UNC13C: variants seen among roughly 807,000 people sequenced by gnomAD.
UNC13C encodes the protein protein unc-13 homolog C.
A neutral mutation model predicts 245.4 loss-of-function variants in UNC13C; 174 were observed. The observed-to-expected ratio is 0.71, with a 90% CI of 0.63 to 0.80. The LOEUF (loss-of-function observed/expected upper bound fraction) is 0.80, where lower values mean the gene tolerates loss of function less well. UNC13C is among the 30% of genes least tolerant of loss of function. UNC13C has a pLI of 0.00. For synonymous variants in UNC13C, 992 were observed against 895.1 expected (o/e 1.11, Z -1.93); for missense variants, 2,829 against 2,602.9 (o/e 1.09, Z -1.89).
intron 4 of UNC13C, among the ~76,000 whole-genome samples, chr15:54,186,200 A>G (rs1238875559): frequency 6.6e-6 from 1 of 152,100 alleles, no homozygotes; most frequent in East Asian, 1.9e-4. Flanking sequence ...TAGATATACA[A>G]TCATGTCATC....
chr15:54,213,911 C>T (rs939400513), intron 4 of UNC13C, among the ~76,000 whole-genome samples: 1 of 151,990 alleles, frequency 6.6e-6, no homozygotes, highest in Admixed American at 6.6e-5. Context: ...CAGCCAAAGG[C>T]ATTGAGATCA....
At chr15:54,137,272 T>C (rs564977493) in intron 2 of UNC13C, among the ~76,000 whole-genome samples, 73 of 152,244 alleles carry the variant, frequency 4.8e-4, no homozygotes, top group Non-Finnish European at 9.8e-4. Context: ...TGAAGACTTT[T>C]TTGCATCTAT....
At chr15:53,887,515 C>T in the UNC13C span, among the ~76,000 whole-genome samples, 217 of 152,172 alleles carry the variant, frequency 1.4e-3, 1 homozygote, top group African/African-American at 4.5e-3. Context: ...AAGTTGAAGA[C>T]GTATCAGATA....
chr15:53,927,900 A>G, the UNC13C span, among the ~76,000 whole-genome samples: 1 of 152,232 alleles, frequency 6.6e-6, no homozygotes, highest in African/African-American at 2.4e-5. Flanking sequence ...GAGAAGAAGC[A>G]AAGTAAATGA....
At chr15:54,072,787 G>A (rs546696292) in intron 2 of UNC13C, among the ~76,000 whole-genome samples, 1 of 152,154 alleles carries the variant, frequency 6.6e-6, no homozygotes, top group Admixed American at 6.5e-5. Flanking sequence ...CTACTTGTAG[G>A]TATAATTATA....
intron 4 of UNC13C, among the ~76,000 whole-genome samples, chr15:54,203,782 A>G (rs1212324253): frequency 3.7e-5 from 4 of 107,292 alleles, no homozygotes; most frequent in East Asian, 6.1e-4. Context: ...ATACACACAC[A>G]TATAGATATA....
Position 54,282,535 on chromosome 15 carries a change from C to T in UNC13C, c.3819-11360C>T, listed in dbSNP as rs896873449. ...GGCACTGCCCAGGTGAGGGTGCCCACGACCCCAAAACCCCAGAGGGGGTGT... is the reference window on the plus strand; with the variant it reads ...GGCACTGCCCAGGTGAGGGTGCCCATGACCCCAAAACCCCAGAGGGGGTGT... On this transcript the variant is annotated intron_variant, in intron 10 of 32. Coordinates refer to ENST00000260323, the MANE Select transcript of UNC13C (RefSeq NM_001080534.3). 8.5e-5 allele frequency among the ~76,000 whole-genome samples: 13 copies of T among 152,240 alleles called. 2 individuals carry two copies. Among genetic ancestry groups the T allele is most frequent in the Admixed American group, 5.2e-4 (8 of 15,294 alleles).
intron 4 of UNC13C, among the ~76,000 whole-genome samples, chr15:54,232,897 T>C (rs1473216400): frequency 6.6e-6 from 1 of 152,106 alleles, no homozygotes; most frequent in Non-Finnish European, 1.5e-5. Context: ...CACTTAGCCT[T>C]TTTCCATGTA....
At chr15:54,211,498 T>C (rs1347281322) in intron 4 of UNC13C, among the ~76,000 whole-genome samples, 2 of 152,124 alleles carry the variant, frequency 1.3e-5, no homozygotes, top group Non-Finnish European at 2.9e-5. Context: ...CAAGTTATCC[T>C]ACTATGACCA....
chr15:54,516,191 G>A (rs576107337), intron 24 of UNC13C, among the ~76,000 whole-genome samples: 1 of 152,204 alleles, frequency 6.6e-6, no homozygotes, highest in East Asian at 1.9e-4. Flanking sequence ...GACCAGGAAG[G>A]AAAAACATTA....
At chr15:54,485,033 CA>C (rs1320794908) in intron 19 of UNC13C, among the ~76,000 whole-genome samples, 2 of 150,902 alleles carry the variant, frequency 1.3e-5, no homozygotes, top group African/African-American at 4.9e-5. Flanking sequence ...CAATTCTTAG[CA>C]AAAAAATTTA....
intron 2 of UNC13C, among the ~76,000 whole-genome samples, chr15:54,063,667 G>A (rs1897945282): frequency 6.6e-6 from 1 of 152,120 alleles, no homozygotes; most frequent in African/African-American, 2.4e-5. Flanking sequence ...GAATTCTAGG[G>A]ACCAGTAAAT....
chr15:53,895,459 TAGAAG>T, the UNC13C span, among the ~76,000 whole-genome samples: 1 of 151,970 alleles, frequency 6.6e-6, no homozygotes, highest in Non-Finnish European at 1.5e-5. Context: ...GCGTAAATCT[TAGAAG>T]AGATCATTGA....
At chr15:54,265,303 T>A (rs1596109971) in intron 9 of UNC13C, 52 bp from the exon 10 acceptor site, 1 of 1,316,176 alleles carries the variant, frequency 7.6e-7, no homozygotes, top group East Asian at 2.8e-5. Context: ...TATTATTATT[T>A]TTTGTTTCTG....
chr15:54,547,100 T>G (rs950040404), intron 27 of UNC13C, among the ~76,000 whole-genome samples: 5 of 152,238 alleles, frequency 3.3e-5, no homozygotes, highest in African/African-American at 1.2e-4. Context: ...GTTCTATTTA[T>G]AGTGTTATCT....
chr15:54,540,261 G>A (rs1374595459), intron 26 of UNC13C, among the ~76,000 whole-genome samples: 1 of 152,048 alleles, frequency 6.6e-6, no homozygotes, highest in East Asian at 1.9e-4. Context: ...GTATTTAAAG[G>A]TGGATAAAGT....
intron 2 of UNC13C, among the ~76,000 whole-genome samples, chr15:54,125,974 C>T (rs995736605): frequency 8.6e-5 from 13 of 151,932 alleles, no homozygotes; most frequent in Admixed American, 2.6e-4. Context: ...CAATACAATA[C>T]GTACAGTAAC....
intron 10 of UNC13C, among the ~76,000 whole-genome samples, chr15:54,292,683 A>G (rs898296344): frequency 2.0e-5 from 3 of 151,742 alleles, no homozygotes; most frequent in African/African-American, 7.2e-5. Context: ...GAATTAAATC[A>G]ATTATATTGA....
chr15:54,373,426 G>T (rs909933839), intron 17 of UNC13C, among the ~76,000 whole-genome samples: 1 of 152,156 alleles, frequency 6.6e-6, no homozygotes, highest in African/African-American at 2.4e-5. Flanking sequence ...GCATGAAGCA[G>T]TGAGGGGTGT....
Sources: allele counts gnomAD v4.1 joint callset (sites outside exome capture counted in the v4.1 genomes callset), GRCh38; gene constraint gnomAD v4.1.1; transcripts MANE v1.5; gene names NCBI Gene and HGNC (gene_info 2026-07-23, HGNC 2026-07-21).